The following NNMT variants were observed in gnomAD, a reference collection of about 807,000 sequenced individuals.
The protein encoded by NNMT is nicotinamide N-methyltransferase.
A neutral mutation model predicts 11.7 loss-of-function variants in NNMT; 10 were observed. The ratio of observed to expected loss-of-function variants is 0.85; its 90% CI spans 0.53 to 1.45. The LOEUF is 1.45. Among genes scored for constraint, NNMT ranks in the 40% most tolerant of loss-of-function variants. NNMT has a pLI of 0.00. For missense variants in NNMT, 381 were observed against 319.4 expected, an observed-to-expected ratio of 1.19 and a Z score of -1.47; for synonymous variants, 143 against 133.8, an observed-to-expected ratio of 1.07 and a Z score of -0.48.
intron 2 of NNMT, among the ~76,000 whole-genome samples, chr11:114,274,088 T>G (rs1457406073): frequency 4.6e-5 from 7 of 152,184 alleles, no homozygotes; most frequent in Non-Finnish European, 8.8e-5. Context: ...CTGGGGACTG[T>G]GCTCAGTCAT....
intron 2 of NNMT, among the ~76,000 whole-genome samples, chr11:114,300,607 T>TGA (rs76672385): frequency 5.9e-5 from 9 of 151,998 alleles, no homozygotes; most frequent in Non-Finnish European, 1.0e-4. Context: ...TGTCAATTAC[T>TGA]GAGAGTGTTA....
At chr11:114,280,277 AG>A (rs1945249682) in intron 2 of NNMT, among the ~76,000 whole-genome samples, 1 of 152,104 alleles carries the variant, frequency 6.6e-6, no homozygotes, top group Non-Finnish European at 1.5e-5. Context: ...CCTGGGGCAG[AG>A]GGCTGGAGGG....
chr11:114,258,882 T>A (rs1398844259), intron 1 of NNMT, among the ~76,000 whole-genome samples: 2 of 148,990 alleles, frequency 1.3e-5, no homozygotes, highest in Non-Finnish European at 3.0e-5. Flanking sequence ...GGCCTGTGCG[T>A]GTGCTGTTTC....
chr11:114,278,290 A>G (rs1247166979), intron 2 of NNMT, among the ~76,000 whole-genome samples: 1 of 152,152 alleles, frequency 6.6e-6, no homozygotes, highest in African/African-American at 2.4e-5. Flanking sequence ...CTCTTGTGAA[A>G]GAGCTCACTC....
chr11:114,296,624 A>T lies in NNMT; in HGVS notation c.68A>T (p.Lys23Ile), dbSNP rs748574013. 2 of 1,614,168 alleles carry T rather than the reference A, an allele frequency of 1.2e-6. No homozygotes were observed. Among genetic ancestry groups the T allele is most frequent in the East Asian group, 4.5e-5 (2 of 44,880 alleles). ...TTTAACCCTCGGGATTACCTAGAAA[A>T]ATATTACAAGTTTGGTTCTAGGCAC... ...SHFNPRDYLE[K>I]YYKFGSRHSA... Residue 23 changes from lysine to isoleucine, a missense_variant, in exon 1 of 3, where the codon AAA (lysine) becomes ATA (isoleucine). Physicochemically the swap from Lys to Ile is moderately radical, Grantham distance 102 (BLOSUM62 -3). Transcript: ENST00000299964.
chr11:114,276,120 C>T (rs547786088), intron 2 of NNMT, among the ~76,000 whole-genome samples: 1 of 149,686 alleles, frequency 6.7e-6, no homozygotes, highest in South Asian at 2.1e-4. Context: ...CCCCCACCCA[C>T]CCTGGGTACC....
At chr11:114,284,764 CTTTTTTTTTTT>C (rs11415162) in intron 2 of NNMT, among the ~76,000 whole-genome samples, 11 of 90,354 alleles carry the variant, frequency 1.2e-4, no homozygotes, top group Non-Finnish European at 1.6e-4. Context: ...ACCCGGCCAT[CTTTTTTTTTTT>C]TTTTTTTTTT....
At chr11:114,299,917 C>A (rs1233369543) in intron 2 of NNMT, among the ~76,000 whole-genome samples, 1 of 151,930 alleles carries the variant, frequency 6.6e-6, no homozygotes, top group East Asian at 1.9e-4. Context: ...TCTTGATCAA[C>A]CTTGCTACAG....
intron 2 of NNMT, among the ~76,000 whole-genome samples, chr11:114,281,851 G>A (rs992300464): frequency 1.3e-5 from 2 of 152,170 alleles, no homozygotes; most frequent in African/African-American, 4.8e-5. Context: ...AGGGAAATTA[G>A]CTTTCTGGCA....
chr11:114,261,151 C>CA (rs1945077383), intron 1 of NNMT, among the ~76,000 whole-genome samples: 1 of 152,196 alleles, frequency 6.6e-6, no homozygotes, highest in African/African-American at 2.4e-5. Context: ...GCCAGGGACC[C>CA]AGGAGCCTGG....
intron 2 of NNMT, among the ~76,000 whole-genome samples, chr11:114,287,599 A>G (rs960044076): frequency 6.6e-6 from 1 of 152,126 alleles, no homozygotes; most frequent in African/African-American, 2.4e-5. Context: ...CTATTGGTCT[A>G]TTTGTCAATC....
upstream of NNMT, among the ~76,000 whole-genome samples, chr11:114,293,493 C>T (rs370509827): frequency 5.3e-5 from 8 of 151,582 alleles, no homozygotes; most frequent in African/African-American, 1.7e-4. Flanking sequence ...CATATCCTTG[C>T]CAGCATTTGT....
At chr11:114,296,310 C>T (rs1945376874), upstream of NNMT, 1 of 444,202 alleles carries the variant, frequency 2.3e-6, no homozygotes, top group African/African-American at 2.0e-5. Context: ...CTCTACCATA[C>T]CCTCCACCCC....
intron 2 of NNMT, among the ~76,000 whole-genome samples, chr11:114,285,483 C>T (rs893068039): frequency 1.3e-5 from 2 of 152,196 alleles, no homozygotes; most frequent in African/African-American, 4.8e-5. Flanking sequence ...AATTAAGGCT[C>T]ATATTAATCA....
intron 1 of NNMT, among the ~76,000 whole-genome samples, chr11:114,297,135 A>T (rs1382037504): frequency 2.6e-5 from 4 of 152,134 alleles, no homozygotes; most frequent in African/African-American, 9.7e-5. Flanking sequence ...TATATACTCA[A>T]TTTCTTTTTT....
intron 2 of NNMT, among the ~76,000 whole-genome samples, chr11:114,307,352 C>T (rs534800072): frequency 8.5e-4 from 129 of 152,226 alleles, no homozygotes; most frequent in African/African-American, 3.0e-3. Flanking sequence ...TCAATTTGTC[C>T]TTTCCCTCTC....
upstream of NNMT, among the ~76,000 whole-genome samples, chr11:114,293,108 T>C: frequency 6.6e-6 from 1 of 152,222 alleles, no homozygotes; most frequent in East Asian, 1.9e-4. Context: ...CTTTGGACTT[T>C]CTGGATGTCT....
At position 114,282,654 on chromosome 11, in the gene NNMT, G is replaced by A. The variant is rs559409346; in HGVS notation, c.-129-13774G>A. 1.2e-4 allele frequency among the ~76,000 whole-genome samples: 19 copies of A among 152,266 alleles called. 1 individual carries two copies. The highest frequency in any genetic ancestry group is 9.8e-4 in the Admixed American group (15 of 15,306). Reference sequence around the variant, plus strand: ...ATTAATGTATGGCACTACTTAGGCTGTGTCCTCAAAACCCTCGCATTCCAA... The same window carrying A: ...ATTAATGTATGGCACTACTTAGGCTATGTCCTCAAAACCCTCGCATTCCAA... On this transcript the variant is annotated intron_variant, in intron 2 of 4. Transcript: ENST00000535401.
intron 2 of NNMT, among the ~76,000 whole-genome samples, chr11:114,266,441 C>T (rs1324284077): frequency 6.6e-6 from 1 of 152,180 alleles, no homozygotes; most frequent in Non-Finnish European, 1.5e-5. Context: ...TCTTTTCCCA[C>T]CTCTATACCC....
Sources: gnomAD v4.1 joint callset for allele counts (sites outside exome capture counted in the v4.1 genomes callset) on GRCh38, gnomAD v4.1.1 for gene constraint, MANE v1.5 for transcripts, NCBI Gene and HGNC (gene_info 2026-07-23, HGNC 2026-07-21) for gene names.